Variants in TAFA1 observed in about 807,000 individuals in gnomAD.
TAFA1 encodes the protein TAFA chemokine like family member 1, also known as chemokine-like protein TAFA-1.
TAFA1 carries 4 observed loss-of-function variants against 18.5 expected under a neutral mutation model. The ratio of observed to expected loss-of-function variants is 0.22; its 90% CI spans 0.11 to 0.49. The LOEUF (loss-of-function observed/expected upper bound fraction) is 0.49, where lower values mean the gene tolerates loss of function less well. Ranked by LOEUF, TAFA1 falls within the 20% of genes least tolerant of loss-of-function variation. TAFA1 has a pLI of 0.98. For missense variants in TAFA1, 147 were observed against 169.0 expected, an observed-to-expected ratio of 0.87 and a Z score of 0.72; for synonymous variants, 56 against 55.2, an observed-to-expected ratio of 1.01 and a Z score of -0.06.
chr3:68,377,641 C>T (rs750887110), intron 2 of TAFA1, among the ~76,000 whole-genome samples: 21 of 152,246 alleles, frequency 1.4e-4, no homozygotes, highest in Non-Finnish European at 2.2e-4. Context: ...AATTGTTAAT[C>T]GCCAACACAA....
At chr3:68,391,342 C>T (rs1403481578) in intron 2 of TAFA1, among the ~76,000 whole-genome samples, 2 of 152,088 alleles carry the variant, frequency 1.3e-5, no homozygotes, top group Non-Finnish European at 2.9e-5. Flanking sequence ...TGAACAAAGC[C>T]TCCAAGAAAC....
chr3:68,156,439 T>A (rs2065867470), intron 2 of TAFA1, among the ~76,000 whole-genome samples: 1 of 152,154 alleles, frequency 6.6e-6, no homozygotes, highest in Non-Finnish European at 1.5e-5. Flanking sequence ...CTCCTGGGTC[T>A]GCTTCTTATT....
intron 2 of TAFA1, among the ~76,000 whole-genome samples, chr3:68,106,083 C>A (rs570840079): frequency 6.6e-6 from 1 of 151,948 alleles, no homozygotes; most frequent in Non-Finnish European, 1.5e-5. Context: ...ATCTAACTTT[C>A]ACACACAAAA....
intron 2 of TAFA1, among the ~76,000 whole-genome samples, chr3:68,115,030 G>C (rs368072815): frequency 2.0e-5 from 3 of 152,196 alleles, no homozygotes; most frequent in African/African-American, 7.2e-5. Flanking sequence ...GTTCATAGAA[G>C]ACAAATGTAT....
At chr3:68,290,908 A>C (rs2068092758) in intron 2 of TAFA1, among the ~76,000 whole-genome samples, 1 of 152,112 alleles carries the variant, frequency 6.6e-6, no homozygotes, top group African/African-American at 2.4e-5. Context: ...TAAAAAAAAA[A>C]AAACTCTTTT....
At chr3:68,450,120 G>A (rs1274949222) in intron 3 of TAFA1, among the ~76,000 whole-genome samples, 2 of 152,302 alleles carry the variant, frequency 1.3e-5, no homozygotes, top group South Asian at 2.1e-4. Flanking sequence ...CCTGAGGATG[G>A]AAAGAAGGGA....
At chr3:68,369,377 C>T (rs1173532509) in intron 2 of TAFA1, among the ~76,000 whole-genome samples, 1 of 152,180 alleles carries the variant, frequency 6.6e-6, no homozygotes, top group African/African-American at 2.4e-5. Context: ...TATCTCAATA[C>T]ATTATTGCTG....
chr3:68,464,570 G>GAGATGTA (rs2071849528), intron 3 of TAFA1, among the ~76,000 whole-genome samples: 1 of 152,144 alleles, frequency 6.6e-6, no homozygotes, highest in Admixed American at 6.6e-5. Flanking sequence ...ACGGTGGCAT[G>GAGATGTA]AGATGTAGAA....
At chr3:68,079,227 T>A (rs6548972) in intron 2 of TAFA1, among the ~76,000 whole-genome samples, 2 of 152,150 alleles carry the variant, frequency 1.3e-5, no homozygotes, top group Admixed American at 6.5e-5. Flanking sequence ...GTCTTGCTAG[T>A]AGTCTATCAA....
chr3:68,335,480 A>G (rs1049756140), intron 2 of TAFA1, among the ~76,000 whole-genome samples: 4 of 152,204 alleles, frequency 2.6e-5, no homozygotes, highest in African/African-American at 9.7e-5. Context: ...ATAGAACTTT[A>G]TACTCCTTTA....
intron 2 of TAFA1, among the ~76,000 whole-genome samples, chr3:68,165,438 C>T (rs1014352027): frequency 2.0e-5 from 3 of 152,074 alleles, no homozygotes; most frequent in Non-Finnish European, 4.4e-5. Context: ...ACATAGCCAC[C>T]CAGCTTTTGA....
At chr3:68,277,999 C>T (rs1202820611) in intron 2 of TAFA1, among the ~76,000 whole-genome samples, 1 of 152,098 alleles carries the variant, frequency 6.6e-6, no homozygotes. Flanking sequence ...ACAAATAAAG[C>T]CCAGTACATC....
intron 2 of TAFA1, among the ~76,000 whole-genome samples, chr3:68,286,225 A>C (rs1472157117): frequency 2.6e-5 from 4 of 151,786 alleles, no homozygotes; most frequent in East Asian, 1.9e-4. Context: ...TAATAATAAT[A>C]ATCATAACAA....
intron 2 of TAFA1, among the ~76,000 whole-genome samples, chr3:68,233,501 T>C (rs2066894770): frequency 6.6e-6 from 1 of 152,228 alleles, no homozygotes; most frequent in Non-Finnish European, 1.5e-5. Context: ...TGTCTGTTTT[T>C]ATACTAATGC....
At chr3:68,102,249 G>T (rs1022794167) in intron 2 of TAFA1, among the ~76,000 whole-genome samples, 7 of 152,086 alleles carry the variant, frequency 4.6e-5, no homozygotes, top group South Asian at 2.1e-4. Flanking sequence ...ACGTTTAAAA[G>T]TCTGTTAACT....
At chr3:68,286,239 T>A (rs942288245) in intron 2 of TAFA1, among the ~76,000 whole-genome samples, 4 of 150,654 alleles carry the variant, frequency 2.7e-5, no homozygotes, top group South Asian at 4.3e-4. Context: ...ATAACAAATT[T>A]AAAAAAATTT....
chr3:68,421,368 G>A (rs992849754), intron 3 of TAFA1, among the ~76,000 whole-genome samples: 2 of 152,038 alleles, frequency 1.3e-5, no homozygotes, highest in South Asian at 4.1e-4. Flanking sequence ...TCAATCCATT[G>A]GCATGTATGG....
At chr3:68,256,329 C>T (rs1441743483) in intron 2 of TAFA1, among the ~76,000 whole-genome samples, 1 of 152,134 alleles carries the variant, frequency 6.6e-6, no homozygotes, top group Non-Finnish European at 1.5e-5. Context: ...TTCTCTCAAA[C>T]CAGAACTTCC....
intron 2 of TAFA1, among the ~76,000 whole-genome samples, chr3:68,125,447 A>C (rs1277951189): frequency 6.6e-6 from 1 of 152,202 alleles, no homozygotes; most frequent in African/African-American, 2.4e-5. Context: ...AGCGAAAGTG[A>C]ATCTCACCAC....
Sources: gnomAD v4.1 joint callset for allele counts (sites outside exome capture counted in the v4.1 genomes callset) on GRCh38, gnomAD v4.1.1 for gene constraint, MANE v1.5 for transcripts, NCBI Gene and HGNC (gene_info 2026-07-23, HGNC 2026-07-21) for gene names.